LDB2: variants seen among roughly 807,000 people sequenced by gnomAD.
LDB2 encodes the protein LIM domain binding 2.
Under a neutral mutation model 44.3 loss-of-function variants are expected in LDB2, and 12 were observed. That is an observed-to-expected ratio of 0.27 (90% confidence interval 0.17 to 0.44). The LOEUF (loss-of-function observed/expected upper bound fraction) is 0.44, where lower values mean the gene tolerates loss of function less well. Ranked by LOEUF, LDB2 falls within the 20% of genes least tolerant of loss-of-function variation. The pLI is 1.00. For synonymous variants in LDB2, 164 were observed against 174.8 expected (o/e 0.94, Z 0.49); for missense variants, 344 against 473.5 (o/e 0.73, Z 2.54).
chr4:16,666,948 G>C (rs1054660460), intron 2 of LDB2, among the ~76,000 whole-genome samples: 5 of 152,030 alleles, frequency 3.3e-5, no homozygotes, highest in Non-Finnish European at 5.9e-5. Context: ...TGAACAGGGT[G>C]GGGGAATGGA....
At chr4:16,610,826 C>G (rs1270045111) in intron 2 of LDB2, among the ~76,000 whole-genome samples, 1 of 152,104 alleles carries the variant, frequency 6.6e-6, no homozygotes, top group African/African-American at 2.4e-5. Flanking sequence ...CCCAACCTAG[C>G]AAGATAGGCC....
At chr4:16,809,587 G>T (rs1306860853) in intron 1 of LDB2, among the ~76,000 whole-genome samples, 1 of 152,156 alleles carries the variant, frequency 6.6e-6, no homozygotes, top group Non-Finnish European at 1.5e-5. Context: ...TAGGATTTAC[G>T]AAGATTCTTT....
chr4:16,645,410 G>A (rs888561197), intron 2 of LDB2, among the ~76,000 whole-genome samples: 13 of 151,636 alleles, frequency 8.6e-5, no homozygotes, highest in Non-Finnish European at 1.5e-4. Flanking sequence ...GGTGGCGGGC[G>A]CCTGTAGTCC....
At chr4:16,838,129 A>G (rs1041550215) in intron 1 of LDB2, among the ~76,000 whole-genome samples, 2 of 152,224 alleles carry the variant, frequency 1.3e-5, no homozygotes, top group African/African-American at 4.8e-5. Flanking sequence ...CAGCAAAGCT[A>G]TTTAGGCATC....
chr4:16,630,352 A>G (rs1298167319), intron 2 of LDB2, among the ~76,000 whole-genome samples: 1 of 152,216 alleles, frequency 6.6e-6, no homozygotes, highest in Non-Finnish European at 1.5e-5. Flanking sequence ...TCATAAGTGA[A>G]AGAGAAATAA....
At chr4:16,534,238 TG>T (rs1399870517) in intron 5 of LDB2, among the ~76,000 whole-genome samples, 10 of 152,230 alleles carry the variant, frequency 6.6e-5, no homozygotes, top group Admixed American at 2.0e-4. Context: ...AAATTTTGTA[TG>T]TAGCAAAATG....
chr4:16,540,015 T>A (rs1733212559), intron 5 of LDB2, among the ~76,000 whole-genome samples: 1 of 152,164 alleles, frequency 6.6e-6, no homozygotes, highest in Non-Finnish European at 1.5e-5. Flanking sequence ...AAACTTATAA[T>A]CATGGCAGAA....
intron 1 of LDB2, among the ~76,000 whole-genome samples, chr4:16,792,905 T>A (rs1776053336): frequency 6.6e-6 from 1 of 152,206 alleles, no homozygotes; most frequent in African/African-American, 2.4e-5. Context: ...ATTTGGGGGT[T>A]CAAATCCCAG....
At chr4:16,729,290 T>C (rs1760217515) in intron 2 of LDB2, among the ~76,000 whole-genome samples, 1 of 152,214 alleles carries the variant, frequency 6.6e-6, no homozygotes, top group Non-Finnish European at 1.5e-5. Context: ...CTTTATAAGC[T>C]CAGCCTTTAT....
chr4:16,843,618 C>CT (rs1010512018), intron 1 of LDB2, among the ~76,000 whole-genome samples: 2 of 152,102 alleles, frequency 1.3e-5, no homozygotes, highest in South Asian at 2.1e-4. Context: ...ATTTGTATTT[C>CT]TTTTTTTTGT....
intron 1 of LDB2, among the ~76,000 whole-genome samples, chr4:16,767,147 G>A (rs971101149): frequency 1.3e-5 from 2 of 152,166 alleles, no homozygotes; most frequent in Admixed American, 1.3e-4. Flanking sequence ...AAAGAGTACT[G>A]TTAAGCAGTA....
intron 5 of LDB2, among the ~76,000 whole-genome samples, chr4:16,553,641 G>C (rs1043833953): frequency 3.9e-5 from 6 of 152,196 alleles, no homozygotes; most frequent in Admixed American, 6.5e-5. Context: ...GACCAGGTAA[G>C]AAAGCTTCTT....
At chr4:16,509,451 A>T (rs1428295774) in intron 6 of LDB2, among the ~76,000 whole-genome samples, 1 of 152,234 alleles carries the variant, frequency 6.6e-6, no homozygotes, top group Non-Finnish European at 1.5e-5. Flanking sequence ...TTTGGACTTG[A>T]AGGATGGGGC....
At chr4:16,740,719 T>C (rs1763083224) in intron 2 of LDB2, among the ~76,000 whole-genome samples, 1 of 152,240 alleles carries the variant, frequency 6.6e-6, no homozygotes, top group African/African-American at 2.4e-5. Flanking sequence ...ATTTTTCTTC[T>C]ATACTAAGTG....
intron 1 of LDB2, among the ~76,000 whole-genome samples, chr4:16,778,749 G>A (rs1410980277): frequency 2.0e-5 from 3 of 151,968 alleles, no homozygotes; most frequent in African/African-American, 7.3e-5. Context: ...ATTATTTAAG[G>A]GTAGATAATG....
Position 16,889,614 on chromosome 4 carries a change from C to T in LDB2, c.132+8740G>A, listed in dbSNP as rs190110409. 2.7e-3 allele frequency among the ~76,000 whole-genome samples: 407 copies of T among 152,242 alleles called. 1 individual carries two copies. The highest frequency in any genetic ancestry group is 6.8e-3 in the Middle Eastern group (2 of 294). ...TGGTAAGACTTGGGGAAAATTTTAG[C>T]GTCAGGATGGCCAGTGCTGGAACAA... On this transcript the variant is annotated intron_variant, in intron 1 of 7. Coordinates refer to ENST00000304523, the MANE Select transcript of LDB2 (RefSeq NM_001290.5).
intron 2 of LDB2, among the ~76,000 whole-genome samples, chr4:16,745,364 T>C (rs1764190827): frequency 6.6e-6 from 1 of 152,202 alleles, no homozygotes; most frequent in African/African-American, 2.4e-5. Context: ...CTCGTTTACT[T>C]AGAACAGTGA....
At chr4:16,510,198 G>C (rs1268789077) in intron 6 of LDB2, among the ~76,000 whole-genome samples, 3 of 152,136 alleles carry the variant, frequency 2.0e-5, no homozygotes, top group Admixed American at 6.6e-5. Flanking sequence ...CTTCCTCTAA[G>C]GCTCATTTCA....
intron 2 of LDB2, among the ~76,000 whole-genome samples, chr4:16,659,220 T>C (rs528209687): frequency 9.2e-5 from 14 of 152,246 alleles, no homozygotes; most frequent in Admixed American, 2.6e-4. Context: ...AGGCCTGAGA[T>C]GTACTTGGCA....
Sources: gnomAD v4.1 joint callset for allele counts (sites outside exome capture counted in the v4.1 genomes callset) on GRCh38, gnomAD v4.1.1 for gene constraint, MANE v1.5 for transcripts, NCBI Gene and HGNC (gene_info 2026-07-23, HGNC 2026-07-21) for gene names.